The following CD34 variants were observed in gnomAD, a reference collection of about 807,000 sequenced individuals.
The protein encoded by CD34 is CD34 molecule.
In CD34, 34 loss-of-function variants were observed where a neutral mutation model predicts 40.1. That is an observed-to-expected ratio of 0.85 (90% CI 0.65 to 1.13). CD34 has a LOEUF of 1.13. Among genes scored for constraint, CD34 ranks in the 50% most tolerant of loss-of-function variants. CD34 has a pLI of 0.00. For missense variants in CD34, 426 were observed against 466.9 expected, an observed-to-expected ratio of 0.91 and a Z score of 0.81; for synonymous variants, 209 against 190.0, an observed-to-expected ratio of 1.10 and a Z score of -0.82.
At position 207,887,548 on chromosome 1, in the gene CD34, A is replaced by C; in HGVS notation, c.*190T>G. 1.4e-6 allele frequency: 1 copy of C among 731,184 alleles called. No individual in the cohort carries two copies. Among genetic ancestry groups the C allele is most frequent in the East Asian group, 2.8e-5 (1 of 36,248 alleles). The allele number at this position is 731,184 out of a possible 1,614,324, so 45.3% of individuals were successfully genotyped here. A position where few individuals can be genotyped will look rare whatever the true frequency, so the allele number is the denominator to read the frequency against. On this transcript the variant is annotated 3_prime_UTR_variant, in exon 8 of 8. Transcript: ENST00000310833. ...ACCAGAGTCTGGCTCCAGGGAGCCG[A>C]ATGTGTAAAGGACAGGAGTTTACCT...
In CD34 at chr1:207,887,533, G is replaced by C; in HGVS notation, c.*205C>G. 1 of 660,622 alleles carries C rather than the reference G, an allele frequency of 1.5e-6. No individual in the cohort carries two copies. Among genetic ancestry groups the C allele is most frequent in the South Asian group, 2.1e-5 (1 of 46,850 alleles). 40.9% of individuals were successfully genotyped at this position (660,622 alleles called of 1,614,324 possible). A position where few individuals can be genotyped will look rare whatever the true frequency, so the allele number is the denominator to read the frequency against. ...GTTTACCCAAAGAAGACCAGAGTCT[G>C]GCTCCAGGGAGCCGAATGTGTAAAG... is the stretch of plus-strand genomic sequence containing the variant. On this transcript the variant is annotated 3_prime_UTR_variant, in exon 8 of 8. Coordinates refer to ENST00000310833, the MANE Select transcript of CD34 (RefSeq NM_001025109.2).
At chr1:207,898,492 T>C (rs1307452448) in intron 3 of CD34, among the ~76,000 whole-genome samples, 1 of 152,216 alleles carries the variant, frequency 6.6e-6, no homozygotes, top group Non-Finnish European at 1.5e-5. Context: ...CCATCCCTGG[T>C]CTGCCCAGTT....
rs544600457 is a variant in CD34, at chr1:207,883,323, C to T, written c.*4415G>A. ...ATCATCAAAATCGTATTCATTTTTA[C>T]AGGACCCACTCAGAAACCACCTGTT... On this transcript the variant is annotated 3_prime_UTR_variant, in exon 8 of 8. Transcript: ENST00000310833. 2 of 152,228 alleles carry T rather than the reference C, an allele frequency of 1.3e-5. No homozygotes were observed. Among genetic ancestry groups the T allele is most frequent in the East Asian group, 1.9e-4 (1 of 5,202 alleles). 9.4% of individuals were successfully genotyped at this position (152,228 alleles called of 1,614,324 possible).
intron 1 of CD34, among the ~76,000 whole-genome samples, chr1:207,900,959 T>A (rs1054948302): frequency 5.9e-5 from 9 of 152,036 alleles, no homozygotes; most frequent in African/African-American, 2.2e-4. Context: ...TTCATGAGTG[T>A]CTTTGCACAT....
rs994333617 is a variant in CD34, at chr1:207,910,856, G to C, written c.79+146C>G. 8.7e-6 allele frequency: 7 copies of C among 809,034 alleles called. No individual in the cohort carries two copies. The Admixed American group carries it at 1.3e-4, about 14-fold the overall frequency. The allele number at this position is 809,034 out of a possible 1,614,324, so 50.1% of individuals were successfully genotyped here. On this transcript the variant is annotated intron_variant, in intron 1 of 7. Coordinates refer to ENST00000310833, the MANE Select transcript of CD34 (RefSeq NM_001025109.2). ...GCTCCCAGGTGAGGCGCTGGCCCCGGGGGGAAGCAGCTGTGGGCGGCAGTG... is the reference window on the plus strand; with the variant it reads ...GCTCCCAGGTGAGGCGCTGGCCCCGCGGGGAAGCAGCTGTGGGCGGCAGTG...
intron 7 of CD34, 36 bp downstream of exon 7, chr1:207,888,646 T>G (rs369867265): frequency 7.2e-5 from 116 of 1,607,170 alleles, no homozygotes; most frequent in Non-Finnish European, 3.6e-5. Context: ...ACCCACTATC[T>G]TCCTCATTTC....
intron 1 of CD34, among the ~76,000 whole-genome samples, chr1:207,906,837 T>C (rs1662392075): frequency 6.9e-6 from 1 of 144,674 alleles, no homozygotes; most frequent in Admixed American, 7.5e-5. Flanking sequence ...AGAGAGAAAC[T>C]TCTTCTCAAA....
Position 207,889,151 on chromosome 1 carries a change from G to C in CD34, c.807+10C>G, listed in dbSNP as rs893861197. On this transcript the variant is annotated intron_variant, in intron 6 of 7. Coordinates refer to ENST00000310833, the MANE Select transcript of CD34 (RefSeq NM_001025109.2). ...ATTCCCTCTCAGGCCCATCATCTCA[G>C]AGGACTTACCTTTTTCAGGTCAGAT... 6.6e-7 allele frequency: 1 copy of C among 1,514,628 alleles called. No individual in the cohort carries two copies. The highest frequency in any genetic ancestry group is 9.2e-7 in the Non-Finnish European group (1 of 1,089,304). 93.8% of individuals were successfully genotyped at this position (1,514,628 alleles called of 1,614,324 possible).
At chr1:207,909,237 C>T (rs1290471560) in intron 1 of CD34, among the ~76,000 whole-genome samples, 1 of 152,072 alleles carries the variant, frequency 6.6e-6, no homozygotes, top group Non-Finnish European at 1.5e-5. Context: ...ACCCCAACCT[C>T]GGCAGGCCAA....
chr1:207,894,426 T>C (rs1262845909), intron 4 of CD34, among the ~76,000 whole-genome samples: 1 of 152,130 alleles, frequency 6.6e-6, no homozygotes, highest in Non-Finnish European at 1.5e-5. Flanking sequence ...GGGTACACAG[T>C]TTCAGTGATG....
At chr1:207,903,119 A>G (rs1662310284) in intron 1 of CD34, among the ~76,000 whole-genome samples, 1 of 152,214 alleles carries the variant, frequency 6.6e-6, no homozygotes, top group African/African-American at 2.4e-5. Flanking sequence ...CCTGGAGCCA[A>G]TCCTGGCATA....
intron 4 of CD34, 108 bp downstream of exon 4, chr1:207,897,385 G>C (rs781364910): frequency 1.2e-6 from 1 of 809,306 alleles, no homozygotes; most frequent in East Asian, 2.7e-5. Flanking sequence ...AAACTCCCCG[G>C]ACCCCTACTC....
intron 4 of CD34, among the ~76,000 whole-genome samples, chr1:207,890,974 C>T (rs1188949014): frequency 6.6e-6 from 1 of 152,206 alleles, no homozygotes; most frequent in Non-Finnish European, 1.5e-5. Flanking sequence ...GTCTCCACCT[C>T]TCTAAACCCA....
At chr1:207,895,752 T>C (rs1325225015) in intron 4 of CD34, among the ~76,000 whole-genome samples, 2 of 152,218 alleles carry the variant, frequency 1.3e-5, no homozygotes, top group East Asian at 3.8e-4. Context: ...GGCACATACC[T>C]GTGTGATACA....
At chr1:207,910,886 G>T in intron 1 of CD34, 116 bp downstream of exon 1, 1 of 1,050,548 alleles carries the variant, frequency 9.5e-7, no homozygotes, top group Non-Finnish European at 1.4e-6. Flanking sequence ...GCAGTGCGTG[G>T]GTTGGGCAGG....
At chr1:207,910,558 G>A (rs1662486953) in intron 1 of CD34, among the ~76,000 whole-genome samples, 1 of 152,068 alleles carries the variant, frequency 6.6e-6, no homozygotes, top group South Asian at 2.1e-4. Context: ...CCTGTGCAAG[G>A]TGGGCACACC....
rs1360597728 is a variant in CD34, at chr1:207,882,690, ATCAC to A, written c.*5044_*5047del. 2 of 152,202 alleles carry A rather than the reference ATCAC, an allele frequency of 1.3e-5. No homozygotes were observed. The highest frequency in any genetic ancestry group is 6.5e-5 in the Admixed American group (1 of 15,278). 9.4% of individuals were successfully genotyped at this position (152,202 alleles called of 1,614,324 possible). On this transcript the variant is annotated 3_prime_UTR_variant, in exon 8 of 8. Transcript: ENST00000310833. ...CATGCTTTGCTTGAGCCTTAAAAGA[ATCAC>A]TCACATTTCTGGAACAATCACCCTC... is the stretch of plus-strand genomic sequence containing the variant.
At chr1:207,910,625 CA>C in intron 1 of CD34, among the ~76,000 whole-genome samples, 1 of 152,314 alleles carries the variant, frequency 6.6e-6, no homozygotes, top group African/African-American at 2.4e-5. Context: ...CCAAGAGCCA[CA>C]AAACTTTTCC....
At chr1:207,892,056 C>T (rs543945974) in intron 4 of CD34, among the ~76,000 whole-genome samples, 1 of 152,266 alleles carries the variant, frequency 6.6e-6, no homozygotes, top group Admixed American at 6.5e-5. Flanking sequence ...ATTCCACAAC[C>T]CTCATTTCAA....
Sources: gnomAD v4.1 joint callset for allele counts (sites outside exome capture counted in the v4.1 genomes callset) on GRCh38, gnomAD v4.1.1 for gene constraint, MANE v1.5 for transcripts, NCBI Gene and HGNC (gene_info 2026-07-23, HGNC 2026-07-21) for gene names.